MEX3D: variants seen among roughly 807,000 people sequenced by gnomAD.
The protein encoded by MEX3D is mex-3 RNA binding family member D.
Under a neutral mutation model 6.3 loss-of-function variants are expected in MEX3D, and 4 were observed. That is an observed-to-expected ratio of 0.64 (90% confidence interval 0.31 to 1.46). MEX3D has a LOEUF of 1.46. Ranked by LOEUF, MEX3D falls within the 40% of genes most tolerant of loss-of-function variation. MEX3D has a pLI of 0.07. For synonymous variants in MEX3D, 626 were observed against 494.1 expected, an observed-to-expected ratio of 1.27 and a Z score of -3.54; for missense variants, 1,038 against 994.4, an observed-to-expected ratio of 1.04 and a Z score of -0.59.
At chr19:1,562,813 G>A (rs1914752777) in intron 1 of MEX3D, among the ~76,000 whole-genome samples, 2 of 152,068 alleles carry the variant, frequency 1.3e-5, no homozygotes, top group Admixed American at 1.3e-4. Context: ...TCAGGAGTTC[G>A]AGACCGGCCT....
chr19:1,565,410 C>G (rs1914814336), intron 1 of MEX3D, among the ~76,000 whole-genome samples: 1 of 152,114 alleles, frequency 6.6e-6, no homozygotes, highest in African/African-American at 2.4e-5. Flanking sequence ...AGCGTGGTGG[C>G]TCACACTTGT....
intron 1 of MEX3D, among the ~76,000 whole-genome samples, chr19:1,565,211 C>A (rs1053912417): frequency 6.6e-6 from 1 of 152,070 alleles, no homozygotes; most frequent in African/African-American, 2.4e-5. Flanking sequence ...CAGAGCAAGA[C>A]CCTGTCTCTA....
At position 1,555,991 on chromosome 19, in the gene MEX3D, T is replaced by C. The variant is rs943672516; in HGVS notation, c.1528A>G (p.Thr510Ala). 3 of 1,196,668 alleles carry C rather than the reference T, an allele frequency of 2.5e-6. No individual in the cohort carries two copies. Among genetic ancestry groups the C allele is most frequent in the African/African-American group, 3.4e-5 (2 of 59,544 alleles). 74.1% of individuals were successfully genotyped at this position (1,196,668 alleles called of 1,614,324 possible). ...GGCAGCGTGGGCGAGTGGCGGGGGG[T>C]CCCGGCCCCACTGCTGCGCCGGGCG... ...AGARRSSGAGTPRHSPTLPEP... is the reference protein window; with the variant it reads ...AGARRSSGAGAPRHSPTLPEP... Residue 510 changes from threonine to alanine, a missense_variant, in exon 2 of 2, where the codon ACC becomes GCC. Thr to Ala is a moderately conservative substitution (Grantham distance 58). Coordinates refer to ENST00000402693, the MANE Select transcript of MEX3D (RefSeq NM_203304.4).
chr19:1,562,876 G>A (rs756936592), intron 1 of MEX3D, among the ~76,000 whole-genome samples: 1 of 152,004 alleles, frequency 6.6e-6, no homozygotes, highest in African/African-American at 2.4e-5. Context: ...TGAGCCTGGC[G>A]TGGTGGTGGC....
chr19:1,562,309 G>A (rs929331991), intron 1 of MEX3D, among the ~76,000 whole-genome samples: 27 of 146,186 alleles, frequency 1.8e-4, no homozygotes, highest in Non-Finnish European at 1.8e-4. Context: ...AGTGGATCAC[G>A]AGGTCAGGAG....
intron 1 of MEX3D, among the ~76,000 whole-genome samples, chr19:1,563,640 T>C (rs1232175361): frequency 3.3e-5 from 5 of 152,140 alleles, no homozygotes; most frequent in Non-Finnish European, 1.5e-5. Context: ...GGAGGTCCCC[T>C]AGAGCACCTT....
Position 1,555,454 on chromosome 19 carries a change from C to T in MEX3D, c.*109G>A. The T allele has an allele frequency of 7.0e-7, 1 of 1,432,550 alleles. No individual in the cohort carries two copies. The highest frequency in any genetic ancestry group is 9.3e-7 in the Non-Finnish European group (1 of 1,071,140). 88.7% of individuals were successfully genotyped at this position (1,432,550 alleles called of 1,614,324 possible). The stretch of plus-strand genomic sequence containing the variant: ...CCGCCCACCCCCCTGCCCCCTCGGC[C>T]TCCGCCCCTCGCCCCCTCCCCGTCC... On this transcript the variant is annotated 3_prime_UTR_variant, in exon 2 of 2. Transcript: ENST00000402693.
intron 1 of MEX3D, among the ~76,000 whole-genome samples, chr19:1,561,180 C>A: frequency 6.6e-6 from 1 of 152,220 alleles, no homozygotes; most frequent in African/African-American, 2.4e-5. Context: ...ACTCATCCAG[C>A]CCGTCCAGGG....
chr19:1,557,558 T>A (rs1336617876), intron 1 of MEX3D, among the ~76,000 whole-genome samples: 1 of 125,830 alleles, frequency 7.9e-6, no homozygotes, highest in Non-Finnish European at 1.6e-5. Flanking sequence ...AAAGCAAGAC[T>A]CCAACTAAAA....
chr19:1,567,383 G>A lies in MEX3D; in HGVS notation c.595+81C>T, dbSNP rs1488879550. 3 of 1,410,722 alleles carry A rather than the reference G, an allele frequency of 2.1e-6. No individual in the cohort carries two copies. In the East Asian group the frequency reaches 9.2e-5, roughly 43 times the overall value. 87.4% of individuals were successfully genotyped at this position (1,410,722 alleles called of 1,614,324 possible). On this transcript the variant is annotated intron_variant, in intron 1 of 1. Transcript: ENST00000402693. This position sits in a 1 kb window ranked among gnomAD's most constrained non-coding sequence, Gnocchi z 6.5. ...GTGCGGGGCGTCCGGCGCGGGCTGG[G>A]CTGGGCTCGGGCGACCCCCTTCCCC... is the stretch of plus-strand genomic sequence containing the variant.
rs975003995 is a variant in MEX3D at position 1,567,132 on chromosome 19, G to A, written c.595+332C>T. On this transcript the variant is annotated intron_variant, in intron 1 of 1. Transcript: ENST00000402693. The surrounding 1 kb of genome is among the most constrained non-coding windows in gnomAD (Gnocchi z 6.5). The stretch of plus-strand genomic sequence containing the variant: ...GCCCCCCGCCCGGCCGGAGCCCCGG[G>A]CCCTCGAGCCCCTCTCTGGGGTGCC... 3.3e-5 allele frequency among the ~76,000 whole-genome samples: 5 copies of A among 152,018 alleles called. No homozygotes were observed. Among genetic ancestry groups the A allele is most frequent in the Non-Finnish European group, 4.4e-5 (3 of 67,940 alleles).
Position 1,567,417 on chromosome 19 carries a change from CGGTGCGGG to C in MEX3D, c.595+39_595+46del. The C allele has an allele frequency of 2.0e-6, 3 of 1,510,098 alleles. No individual in the cohort carries two copies. The highest frequency in any genetic ancestry group is 2.6e-6 in the Non-Finnish European group (3 of 1,133,560). 93.5% of individuals were successfully genotyped at this position (1,510,098 alleles called of 1,614,324 possible). A position where few individuals can be genotyped will look rare whatever the true frequency, so the allele number is the denominator to read the frequency against. On this transcript the variant is annotated intron_variant, in intron 1 of 1. Transcript: ENST00000402693. The surrounding 1 kb of genome is among the most constrained non-coding windows in gnomAD (Gnocchi z 6.5). ...GGGCGACCCCCTTCCCCGGGGCGGA[CGGTGCGGG>C]GACCCCCAGGACAGCAACCCCCGAC...
At position 1,568,301 on chromosome 19, in the gene MEX3D, CCTCGGCGGCCG is replaced by C. The variant is rs948738206; in HGVS notation, c.-254_-244del. ...GGCGGCGGCGACGGCGGCGGCGGCT[CCTCGGCGGCCG>C]AGGCGGCGGCGGCGGCGCGGGACGC... On this transcript the variant is annotated 5_prime_UTR_variant, in exon 1 of 2. Coordinates refer to ENST00000402693, the MANE Select transcript of MEX3D (RefSeq NM_203304.4). 6.4e-5 allele frequency among the ~76,000 whole-genome samples: 9 copies of C among 140,778 alleles called. No individual in the cohort carries two copies. Among genetic ancestry groups the C allele is most frequent in the Non-Finnish European group, 1.3e-4 (8 of 63,596 alleles). 92.4% of individuals were successfully genotyped at this position (140,778 alleles called of 152,430 possible).
intron 1 of MEX3D, among the ~76,000 whole-genome samples, chr19:1,559,775 G>A (rs940057366): frequency 1.3e-5 from 2 of 152,208 alleles, no homozygotes; most frequent in Non-Finnish European, 2.9e-5. Context: ...GATGGAAGGC[G>A]TGGGACCTGG....
Position 1,555,969 on chromosome 19 carries a change from A to G in MEX3D, c.1550T>C (p.Leu517Pro). ...GAGTPRHSPT[L>P]PEPGGLRLEL... is the part of the protein sequence containing the mutation. The stretch of plus-strand genomic sequence containing the variant: ...CAGGCGGAGGCCGCCGGGCTCGGGC[A>G]GCGTGGGCGAGTGGCGGGGGGTCCC... The change falls in exon 2 of 2, where the codon CTG (leucine) becomes CCG (proline). Residue 517 changes from leucine to proline, a missense_variant. Physicochemically the swap from Leu to Pro is moderately conservative, Grantham distance 98 (BLOSUM62 -3). Coordinates refer to ENST00000402693, the MANE Select transcript of MEX3D (RefSeq NM_203304.4). The G allele has an allele frequency of 8.6e-7, 1 of 1,168,742 alleles. No individual in the cohort carries two copies. Among genetic ancestry groups the G allele is most frequent in the Non-Finnish European group, 1.1e-6 (1 of 947,616 alleles). 72.4% of individuals were successfully genotyped at this position (1,168,742 alleles called of 1,614,324 possible).
chr19:1,556,117 C>G lies in MEX3D; in HGVS notation c.1402G>C (p.Ala468Pro). ...AAAGGCGCCCAGATGGTGGCCGCGG[C>G]GGGCACGGTCAGGTCCAGCGCCAGG... ...DFLALDLTVP[A>P]AATIWAPFER... The change falls in exon 2 of 2, where the codon GCC becomes CCC. Residue 468 changes from alanine to proline, a missense_variant. Ala to Pro is a conservative substitution (Grantham distance 27). Coordinates refer to ENST00000402693, the MANE Select transcript of MEX3D (RefSeq NM_203304.4). This position sits in a 1 kb window ranked among gnomAD's most constrained non-coding sequence, Gnocchi z 7.5. 1 of 1,456,974 alleles carries G rather than the reference C, an allele frequency of 6.9e-7. No individual in the cohort carries two copies. Among genetic ancestry groups the G allele is most frequent in the Non-Finnish European group, 9.1e-7 (1 of 1,104,258 alleles). The allele number at this position is 1,456,974 out of a possible 1,614,324, so 90.3% of individuals were successfully genotyped here. A position where few individuals can be genotyped will look rare whatever the true frequency, so the allele number is the denominator to read the frequency against.
chr19:1,562,353 C>G (rs1009889095), intron 1 of MEX3D, among the ~76,000 whole-genome samples: 9 of 150,280 alleles, frequency 6.0e-5, no homozygotes, highest in African/African-American at 2.2e-4. Flanking sequence ...GGTGAAACCC[C>G]ATCTCCACTA....
Position 1,568,286 on chromosome 19 carries a change from A to G in MEX3D, c.-228T>C, listed in dbSNP as rs1427194023. 2.3e-5 allele frequency among the ~76,000 whole-genome samples: 3 copies of G among 130,214 alleles called. No homozygotes were observed. Among genetic ancestry groups the G allele is most frequent in the Admixed American group, 7.4e-5 (1 of 13,522 alleles). 85.4% of individuals were successfully genotyped at this position (130,214 alleles called of 152,430 possible). On this transcript the variant is annotated 5_prime_UTR_variant, in exon 1 of 2. Transcript: ENST00000402693. ...TGGCTGCGGCTCGGCGGCGGCGGCG[A>G]CGGCGGCGGCGGCTCCTCGGCGGCC... is the stretch of plus-strand genomic sequence containing the variant.
chr19:1,562,308 C>T (rs917907122), intron 1 of MEX3D, among the ~76,000 whole-genome samples: 7 of 148,214 alleles, frequency 4.7e-5, no homozygotes, highest in Non-Finnish European at 7.4e-5. Flanking sequence ...CAGTGGATCA[C>T]GAGGTCAGGA....
Sources: gnomAD v4.1 joint callset for allele counts (sites outside exome capture counted in the v4.1 genomes callset) on GRCh38, gnomAD v4.1.1 for gene constraint, Gnocchi (gnomAD v3.1) non-coding constraint, MANE v1.5 for transcripts, NCBI Gene and HGNC (gene_info 2026-07-23, HGNC 2026-07-21) for gene names.